PCDH9: variants seen among roughly 807,000 people sequenced by gnomAD.
The protein encoded by PCDH9 is protocadherin 9, also known as protocadherin-9.
In PCDH9, 24 loss-of-function variants were observed where a neutral mutation model predicts 70.6. The observed-to-expected ratio is 0.34, with a 90% confidence interval of 0.25 to 0.48. PCDH9 has a LOEUF of 0.48. Among genes scored for constraint, PCDH9 ranks in the 20% least tolerant of loss-of-function variants. The pLI is 0.99. For missense variants in PCDH9, 1,281 were observed against 1,503.6 expected, an observed-to-expected ratio of 0.85 and a Z score of 2.45; for synonymous variants, 562 against 558.5, an observed-to-expected ratio of 1.01 and a Z score of -0.09.
intron 3 of PCDH9, among the ~76,000 whole-genome samples, chr13:66,787,159 C>T (rs1354093339): frequency 1.3e-5 from 2 of 152,170 alleles, no homozygotes; most frequent in African/African-American, 2.4e-5. Flanking sequence ...CCCTCAACCC[C>T]ATGCTGTACC....
chr13:67,094,011 T>C (rs939217101), intron 2 of PCDH9, among the ~76,000 whole-genome samples: 2 of 152,160 alleles, frequency 1.3e-5, no homozygotes, highest in African/African-American at 4.8e-5. Flanking sequence ...ACTCCCATTG[T>C]CTCTGAAGAA....
chr13:66,819,357 G>C (rs1311894741), intron 3 of PCDH9, among the ~76,000 whole-genome samples: 2 of 151,086 alleles, frequency 1.3e-5, no homozygotes, highest in African/African-American at 2.4e-5. Flanking sequence ...AGGTATTTTT[G>C]CTTGACTCTT....
intron 4 of PCDH9, among the ~76,000 whole-genome samples, chr13:66,460,893 C>A (rs1171419919): frequency 6.6e-6 from 1 of 151,868 alleles, no homozygotes; most frequent in Non-Finnish European, 1.5e-5. Flanking sequence ...CCTACCTACA[C>A]GCTGGTTGCT....
At chr13:67,072,368 C>T (rs960528465) in intron 2 of PCDH9, among the ~76,000 whole-genome samples, 4 of 152,136 alleles carry the variant, frequency 2.6e-5, no homozygotes, top group Admixed American at 2.6e-4. Flanking sequence ...TTAGAACAGC[C>T]TTTGCTGAGG....
intron 4 of PCDH9, among the ~76,000 whole-genome samples, chr13:66,457,852 G>T (rs1485462943): frequency 1.3e-5 from 2 of 151,586 alleles, no homozygotes; most frequent in Non-Finnish European, 2.9e-5. Context: ...TTTTTGGGGG[G>T]GATAGGGGCT....
chr13:67,104,099 G>A (rs2086487846), intron 2 of PCDH9, among the ~76,000 whole-genome samples: 1 of 152,168 alleles, frequency 6.6e-6, no homozygotes, highest in Non-Finnish European at 1.5e-5. Context: ...AAAAGAATAG[G>A]CATGGAGTTC....
chr13:66,427,351 A>C, intron 4 of PCDH9, among the ~76,000 whole-genome samples: 1 of 151,748 alleles, frequency 6.6e-6, no homozygotes, highest in East Asian at 1.9e-4. Flanking sequence ...TAATTATTTG[A>C]CTTATTAATA....
intron 4 of PCDH9, among the ~76,000 whole-genome samples, chr13:66,456,298 T>C (rs186277399): frequency 6.6e-6 from 1 of 152,250 alleles, no homozygotes; most frequent in Admixed American, 6.5e-5. Flanking sequence ...TCTGGCTGTG[T>C]TGTCCCAGCC....
chr13:66,866,860 C>G (rs2081585627), intron 3 of PCDH9, among the ~76,000 whole-genome samples: 1 of 152,078 alleles, frequency 6.6e-6, no homozygotes, highest in Non-Finnish European at 1.5e-5. Flanking sequence ...CATCATTTCA[C>G]AGTAGAGAGA....
intron 4 of PCDH9, among the ~76,000 whole-genome samples, chr13:66,382,568 ACTT>A (rs1159574187): frequency 1.3e-5 from 2 of 152,112 alleles, no homozygotes; most frequent in African/African-American, 2.4e-5. Flanking sequence ...AATTTTATGA[ACTT>A]CTCACTTGAT....
At chr13:66,898,912 T>A (rs2082229891) in intron 3 of PCDH9, among the ~76,000 whole-genome samples, 1 of 151,976 alleles carries the variant, frequency 6.6e-6, no homozygotes, top group Non-Finnish European at 1.5e-5. Flanking sequence ...AGGCTCAAGA[T>A]CACCTAGGCA....
intron 4 of PCDH9, among the ~76,000 whole-genome samples, chr13:66,382,101 T>C (rs894961313): frequency 6.6e-6 from 1 of 152,168 alleles, no homozygotes; most frequent in Non-Finnish European, 1.5e-5. Flanking sequence ...AAAGGGTAGA[T>C]GAATAGAGGA....
At chr13:66,656,374 C>T (rs1464122844) in intron 3 of PCDH9, among the ~76,000 whole-genome samples, 1 of 152,138 alleles carries the variant, frequency 6.6e-6, no homozygotes, top group Non-Finnish European at 1.5e-5. Context: ...AGTTAAGACA[C>T]CATCAGAGGT....
intron 4 of PCDH9, among the ~76,000 whole-genome samples, chr13:66,451,242 CT>C (rs1468236696): frequency 1.3e-5 from 2 of 152,076 alleles, no homozygotes; most frequent in East Asian, 3.9e-4. Context: ...GAAAGGAATA[CT>C]TTACAGAATA....
At chr13:66,579,622 T>TA (rs1202108618) in intron 4 of PCDH9, among the ~76,000 whole-genome samples, 1 of 151,916 alleles carries the variant, frequency 6.6e-6, no homozygotes, top group Non-Finnish European at 1.5e-5. Context: ...AAAATTATAG[T>TA]AAAAAATGGT....
chr13:66,659,420 G>A (rs907274968), intron 3 of PCDH9, among the ~76,000 whole-genome samples: 3 of 152,088 alleles, frequency 2.0e-5, no homozygotes, highest in African/African-American at 7.2e-5. Flanking sequence ...TTATATCCTT[G>A]GGGAGGACCA....
chr13:66,596,525 A>C (rs938221925), intron 4 of PCDH9, among the ~76,000 whole-genome samples: 1 of 151,634 alleles, frequency 6.6e-6, no homozygotes, highest in Admixed American at 6.6e-5. Context: ...CATTTCTTCT[A>C]TATGTTACAC....
chr13:66,718,365 C>T (rs1186185132), intron 3 of PCDH9, among the ~76,000 whole-genome samples: 3 of 151,840 alleles, frequency 2.0e-5, no homozygotes, highest in South Asian at 2.1e-4. Context: ...AATTGGTGTT[C>T]GGAGGGGTTA....
intron 2 of PCDH9, among the ~76,000 whole-genome samples, chr13:66,934,552 A>AAAAG (rs2082874541): frequency 6.7e-6 from 1 of 148,892 alleles, no homozygotes; most frequent in Non-Finnish European, 1.5e-5. Flanking sequence ...AAAAAAAAAA[A>AAAAG]AAAAAGAAAA....
Sources: allele counts gnomAD v4.1 joint callset (sites outside exome capture counted in the v4.1 genomes callset), GRCh38; gene constraint gnomAD v4.1.1; transcripts MANE v1.5; gene names NCBI Gene and HGNC (gene_info 2026-07-23, HGNC 2026-07-21).